The following MEF2C variants were observed in gnomAD, a reference collection of about 807,000 sequenced individuals.
MEF2C encodes myocyte enhancer factor 2C.
MEF2C carries 6 observed loss-of-function variants against 50.5 expected under a neutral mutation model. The observed-to-expected ratio is 0.12, with a 90% confidence interval of 0.07 to 0.23. MEF2C has a LOEUF of 0.23. Among genes scored for constraint, MEF2C ranks in the 10% least tolerant of loss-of-function variants. MEF2C has a pLI of 1.00. For synonymous variants in MEF2C, 183 were observed against 228.0 expected, an observed-to-expected ratio of 0.80 and a Z score of 1.78; for missense variants, 276 against 605.0, an observed-to-expected ratio of 0.46 and a Z score of 5.70.
At chr5:88,773,189 C>A (rs557801296) in intron 3 of MEF2C, among the ~76,000 whole-genome samples, 17 of 152,316 alleles carry the variant, frequency 1.1e-4, no homozygotes, top group Non-Finnish European at 2.2e-4. Context: ...ACATGGATGA[C>A]ACTCAATAAA....
intron 6 of MEF2C, chr5:88,746,420 T>G: frequency 5.7e-6 from 4 of 707,130 alleles, no homozygotes; most frequent in Non-Finnish European, 6.9e-6. Context: ...CCTTGCCTCA[T>G]GAGACTCTCC....
chr5:88,869,316 C>CTTATATATATATAT (rs1561421815), intron 1 of MEF2C, among the ~76,000 whole-genome samples: 1 of 85,466 alleles, frequency 1.2e-5, no homozygotes. Flanking sequence ...TATATATATA[C>CTTATATATATATAT]ACATATAGCT....
intron 4 of MEF2C, chr5:88,760,968 C>T: frequency 6.3e-7 from 1 of 1,599,158 alleles, no homozygotes; most frequent in Non-Finnish European, 8.5e-7. Flanking sequence ...GCAGACCAGC[C>T]ATCTACCTTT....
At chr5:88,752,736 T>A in intron 4 of MEF2C, 1 of 985,470 alleles carries the variant, frequency 1.0e-6, no homozygotes, top group Non-Finnish European at 1.2e-6. Context: ...AAATATTTAG[T>A]GAACTGAAGC....
chr5:88,733,078 C>T (rs1005288571), intron 6 of MEF2C: 7 of 985,006 alleles, frequency 7.1e-6, no homozygotes, highest in Non-Finnish European at 8.4e-6. Context: ...TACAAGGCAG[C>T]GTAGGGTGAG....
At chr5:88,875,131 A>C (rs1052647346) in intron 1 of MEF2C, among the ~76,000 whole-genome samples, 1 of 152,062 alleles carries the variant, frequency 6.6e-6, no homozygotes, top group Non-Finnish European at 1.5e-5. Context: ...AAGGAGAAGT[A>C]CAAGCTTTTA....
intron 1 of MEF2C, chr5:88,888,806 CAGTAATTTGCTTGCAAGTGTGTGGCTGAT>C (rs1226963009): frequency 6.6e-6 from 1 of 150,924 alleles, no homozygotes; most frequent in African/African-American, 2.4e-5. Flanking sequence ...AAGGCTTGAT[CAGTAATTTGCTTGCAAGTGTGTGGCTGAT>C]TCAAAAATAA....
At chr5:88,801,811 A>G (rs1156488446) in intron 3 of MEF2C, among the ~76,000 whole-genome samples, 2 of 152,088 alleles carry the variant, frequency 1.3e-5, no homozygotes, top group African/African-American at 4.8e-5. Flanking sequence ...TTATAAATGC[A>G]ACTTCCAATC....
chr5:88,849,150 CAA>C (rs11295110), intron 1 of MEF2C, among the ~76,000 whole-genome samples: 256 of 92,244 alleles, frequency 2.8e-3, no homozygotes, highest in African/African-American at 8.8e-3. Flanking sequence ...GACTTTGTCT[CAA>C]AAAAAAAAAA....
chr5:88,820,833 T>C (rs1180898218), intron 2 of MEF2C, among the ~76,000 whole-genome samples: 1 of 152,028 alleles, frequency 6.6e-6, no homozygotes, highest in African/African-American at 2.4e-5. Flanking sequence ...TAATTTAGGC[T>C]CTTTCCCAAA....
chr5:88,859,333 A>G (rs1196507886), intron 1 of MEF2C, among the ~76,000 whole-genome samples: 1 of 152,212 alleles, frequency 6.6e-6, no homozygotes, highest in Non-Finnish European at 1.5e-5. Flanking sequence ...AAAGCAAGAC[A>G]CCCAGTGACA....
At chr5:88,734,359 G>A (rs1206722255) in intron 6 of MEF2C, 5 of 985,128 alleles carry the variant, frequency 5.1e-6, no homozygotes, top group Admixed American at 6.2e-5. Flanking sequence ...GGAGAAAAAA[G>A]TCTGTTAAGC....
intron 6 of MEF2C, chr5:88,743,604 GTTTCT>G: frequency 1.0e-6 from 1 of 981,492 alleles, no homozygotes; most frequent in South Asian, 4.7e-5. Flanking sequence ...AAAAATATTT[GTTTCT>G]TATCTCCAAT....
intron 1 of MEF2C, among the ~76,000 whole-genome samples, chr5:88,832,465 T>C (rs1255847983): frequency 6.6e-6 from 1 of 152,104 alleles, no homozygotes; most frequent in Non-Finnish European, 1.5e-5. Flanking sequence ...TTTTCACATA[T>C]GCCCAATTGT....
At chr5:88,726,062 A>C (rs1201007513) in intron 10 of MEF2C, among the ~76,000 whole-genome samples, 1 of 152,160 alleles carries the variant, frequency 6.6e-6, no homozygotes, top group Non-Finnish European at 1.5e-5. Context: ...ATCAGATACT[A>C]GGTTTTAAAA....
intron 6 of MEF2C, chr5:88,743,898 CAATA>C: frequency 1.1e-6 from 1 of 911,974 alleles, no homozygotes; most frequent in Non-Finnish European, 1.3e-6. Flanking sequence ...ATCTAATTTA[CAATA>C]AATGCCAATT....
intron 6 of MEF2C, chr5:88,732,958 G>A: frequency 7.5e-6 from 3 of 400,092 alleles, no homozygotes; most frequent in Non-Finnish European, 1.0e-5. Flanking sequence ...CTGCATGAGT[G>A]AGATTGTGTG....
chr5:88,799,360 G>A (rs1797331823), intron 3 of MEF2C, among the ~76,000 whole-genome samples: 2 of 152,240 alleles, frequency 1.3e-5, no homozygotes, highest in Admixed American at 1.3e-4. Context: ...GAGGAATCTA[G>A]AGAGGCAGTC....
intron 3 of MEF2C, chr5:88,771,383 G>T (rs1782354663): frequency 1.0e-6 from 1 of 952,998 alleles, no homozygotes; most frequent in South Asian, 4.9e-5. Context: ...AACCTTAATT[G>T]TCCTAGGACA....
Sources: allele counts gnomAD v4.1 joint callset (sites outside exome capture counted in the v4.1 genomes callset), GRCh38; gene constraint gnomAD v4.1.1; transcripts MANE v1.5; gene names NCBI Gene and HGNC (gene_info 2026-07-23, HGNC 2026-07-21).